ZNF142: variants seen among roughly 807,000 people sequenced by gnomAD.
The protein encoded by ZNF142 is zinc finger protein 142.
A neutral mutation model predicts 132.1 loss-of-function variants in ZNF142; 96 were observed. The observed-to-expected ratio is 0.73, with a 90% CI of 0.62 to 0.86. The LOEUF (loss-of-function observed/expected upper bound fraction) is 0.86. Among genes scored for constraint, ZNF142 ranks in the 40% least tolerant of loss-of-function variants. The pLI is 0.00. For synonymous variants in ZNF142, 842 were observed against 890.1 expected, an observed-to-expected ratio of 0.95 and a Z score of 0.96; for missense variants, 2,163 against 2,336.2, an observed-to-expected ratio of 0.93 and a Z score of 1.53.
Position 218,635,699 on chromosome 2 carries a change from AC to A in ZNF142, c.*2639del. The A allele has an allele frequency of 6.8e-7, 1 of 1,464,478 alleles. No homozygotes were observed. Among genetic ancestry groups the A allele is most frequent in the Non-Finnish European group, 9.1e-7 (1 of 1,100,556 alleles). 90.7% of individuals were successfully genotyped at this position (1,464,478 alleles called of 1,614,324 possible). On this transcript the variant is annotated 3_prime_UTR_variant, in exon 11 of 11. Transcript: ENST00000411696. ...ATATATTACCCATGGAGGATGTTTT[AC>A]AAACCAAAAAGCTTCTTCTCCCCTG... is the stretch of plus-strand genomic sequence containing the variant.
chr2:218,640,084 A>G (rs1262508405), intron 10 of ZNF142, among the ~76,000 whole-genome samples: 1 of 150,602 alleles, frequency 6.6e-6, no homozygotes, highest in Non-Finnish European at 1.5e-5. Context: ...AAAAAAAAAA[A>G]AAAAAGAAAT....
At position 218,642,336 on chromosome 2, in the gene ZNF142, C is replaced by T; in HGVS notation, c.4780G>A (p.Gly1594Ser). 1 of 1,613,640 alleles carries T rather than the reference C, an allele frequency of 6.2e-7. No homozygotes were observed. The highest frequency in any genetic ancestry group is 8.5e-7 in the Non-Finnish European group (1 of 1,180,016). ...LCDFAARERV[G>S]LVKHYLEQHE... ...TGTTCCAGGTAGTGCTTTACCAGGC[C>T]CACCCGCTCCCGGGCAGCAAAGTCA... is the stretch of plus-strand genomic sequence containing the variant. The change falls in exon 9 of 11, where the codon GGC becomes AGC. Residue 1594 changes from glycine to serine, a missense_variant. By Grantham distance (56) the Gly-to-Ser change is moderately conservative. Around this residue, in one of 7 missense-constraint regions of ZNF142, gnomAD observed 17 missense variants for 35.9 expected, o/e 0.47. Transcript: ENST00000411696. This position sits in a 1 kb window ranked among gnomAD's most constrained non-coding sequence, Gnocchi z 4.6.
rs572022586 is a variant in ZNF142 at position 218,634,942 on chromosome 2, T to C, written c.*3397A>G. 2.6e-5 allele frequency among the ~76,000 whole-genome samples: 4 copies of C among 152,084 alleles called. No individual in the cohort carries two copies. Among genetic ancestry groups the C allele is most frequent in the Non-Finnish European group, 5.9e-5 (4 of 68,024 alleles). On this transcript the variant is annotated 3_prime_UTR_variant, in exon 11 of 11. Coordinates refer to ENST00000411696, the MANE Select transcript of ZNF142 (RefSeq NM_001379659.1). The surrounding 1 kb of genome is among the most constrained non-coding windows in gnomAD (Gnocchi z 4.0). Reference sequence around the variant, plus strand: ...CTTACAATTCCTGGCACACAGGAAGTGCTATAAAAGAGGCTGGCTGGGAGC... The same window carrying C: ...CTTACAATTCCTGGCACACAGGAAGCGCTATAAAAGAGGCTGGCTGGGAGC...
At chr2:218,655,424 G>A (rs898845236) in intron 4 of ZNF142, among the ~76,000 whole-genome samples, 1 of 152,112 alleles carries the variant, frequency 6.6e-6, no homozygotes. Flanking sequence ...GATGAATAAA[G>A]GGAGAATCTT....
intron 4 of ZNF142, among the ~76,000 whole-genome samples, chr2:218,653,031 G>C (rs1295421929): frequency 1.3e-5 from 2 of 151,614 alleles, no homozygotes; most frequent in Admixed American, 6.6e-5. Flanking sequence ...CTGTAATCTT[G>C]GCACTTTGGG....
chr2:218,650,210 C>T, intron 6 of ZNF142, 149 bp downstream of exon 6: 1 of 916,924 alleles, frequency 1.1e-6, no homozygotes, highest in South Asian at 1.7e-5. Flanking sequence ...ATCATTTTCC[C>T]ACTAGACCTT....
In ZNF142 at chr2:218,642,931, C is replaced by A. The variant is rs376670636; in HGVS notation, c.4185G>T (p.Glu1395Asp). The A allele has an allele frequency of 6.2e-7, 1 of 1,613,676 alleles. No homozygotes were observed. Among genetic ancestry groups the A allele is most frequent in the Non-Finnish European group, 8.5e-7 (1 of 1,179,928 alleles). ...AGGGGCACTGATGGGGCTTCACCCC[C>A]TCGTGCTTGAGCCGCCGGTGCTGCT... ...CMQQHRRLKH[E>D]GVKPHQCPFC... Residue 1395 changes from glutamate (E) to aspartate (D), a missense_variant, in exon 9 of 11, where the codon GAG becomes GAT. Physicochemically the swap from Glu to Asp is conservative, Grantham distance 45. Transcript: ENST00000411696. This position sits in a 1 kb window ranked among gnomAD's most constrained non-coding sequence, Gnocchi z 4.6.
chr2:218,655,668 T>C (rs1938416094), intron 4 of ZNF142, among the ~76,000 whole-genome samples: 2 of 152,162 alleles, frequency 1.3e-5, no homozygotes, highest in Admixed American at 1.3e-4. Context: ...ACTCTTATTC[T>C]TAACAACATG....
Position 218,644,506 on chromosome 2 carries a change from GC to G in ZNF142, c.2609del (p.Gly870AlafsTer28). On this transcript the variant is annotated frameshift_variant, in exon 9 of 11. Transcript: ENST00000411696. LOFTEE classifies it high-confidence loss of function. The surrounding 1 kb of genome is among the most constrained non-coding windows in gnomAD (Gnocchi z 4.6). ...SEEVNTGRQE[G>X]SEAPHGGDLG... Reference sequence around the variant, plus strand: ...GGTCACCCCCATGGGGAGCCTCACTGCCCTCCTGTCTTCCAGTGTTGACCTC... The same window carrying G: ...GGTCACCCCCATGGGGAGCCTCACTGCCTCCTGTCTTCCAGTGTTGACCTC... 2 of 1,613,974 alleles carry G rather than the reference GC, an allele frequency of 1.2e-6. No individual in the cohort carries two copies. Among genetic ancestry groups the G allele is most frequent in the Non-Finnish European group, 1.7e-6 (2 of 1,179,996 alleles).
Position 218,643,796 on chromosome 2 carries a change from G to C in ZNF142, c.3320C>G (p.Pro1107Arg), listed in dbSNP as rs771228246. The C allele has an allele frequency of 6.2e-7, 1 of 1,611,776 alleles. No individual in the cohort carries two copies. Among genetic ancestry groups the C allele is most frequent in the African/African-American group, 1.3e-5 (1 of 74,982 alleles). The change falls in exon 9 of 11, where the codon CCT (proline) becomes CGT (arginine). Residue 1107 changes from proline to arginine, a missense_variant. Pro to Arg is a moderately radical substitution (Grantham distance 103). Transcript: ENST00000411696. ...GGTACCTGGGAGCACAGGTTGCAGA[G>C]GGATGGGTGAATCTGGTCTGGGCAA... is the stretch of plus-strand genomic sequence containing the variant. ...KGLPRPDSPIPLQPVLPGTQA... is the reference protein window; with the variant it reads ...KGLPRPDSPIRLQPVLPGTQA...
rs1697483832 is a variant in ZNF142, at chr2:218,643,855, C to T, written c.3261G>A (p.Lys1087=). The change falls in exon 9 of 11, where the codon AAG becomes AAA. Residue 1087 remains lysine, a synonymous_variant. Coordinates refer to ENST00000411696, the MANE Select transcript of ZNF142 (RefSeq NM_001379659.1). The part of the protein sequence containing the change: ...QQRGLSTHLL[K]KCPVLLRKNK... ...TCTTTCTGAGTAGAACAGGGCACTT[C>T]TTCAGCAGGTGGGTGCTGAGGCCGC... 1 of 1,614,148 alleles carries T rather than the reference C, an allele frequency of 6.2e-7. No homozygotes were observed. The highest frequency in any genetic ancestry group is 1.3e-5 in the African/African-American group (1 of 75,052).
chr2:218,646,278 C>T lies in ZNF142; in HGVS notation c.1944G>A (p.Met648Ile). ...AATCCTTGGTGTTGGAGTGGGTCAG[C>T]ATGTGCTTGGATAGGTAGCTCACGT... ...CRDVSYLSKH[M>I]LTHSNTKDYM... Residue 648 changes from methionine to isoleucine, a missense_variant, in exon 8 of 11, where the codon ATG becomes ATA. Met to Ile is a conservative substitution (Grantham distance 10). This residue lies in a region of ZNF142 where 749 missense variants were observed against 830.3 expected (regional missense o/e 0.90). Transcript: ENST00000411696. 3 of 1,614,200 alleles carry T rather than the reference C, an allele frequency of 1.9e-6. No homozygotes were observed. The highest frequency in any genetic ancestry group is 2.2e-5 in the South Asian group (2 of 91,084).
rs760405235 is a variant in ZNF142, at chr2:218,649,421, G to C, written c.1087C>G (p.His363Asp). ...VSGTESLFKTHMCPECKRCFK... is the reference protein window; with the variant it reads ...VSGTESLFKTDMCPECKRCFK... ...CAGCGCTTACACTCTGGACACATAT[G>C]GGTCTTGAAGAGGGACTCGGTGCCA... The change falls in exon 7 of 11, where the codon CAT becomes GAT. Residue 363 changes from histidine (H) to aspartate (D), a missense_variant. His to Asp is a moderately conservative substitution (Grantham distance 81). Transcript: ENST00000411696. 13 of 1,610,186 alleles carry C rather than the reference G, an allele frequency of 8.1e-6. No homozygotes were observed. Among genetic ancestry groups the C allele is most frequent in the Non-Finnish European group, 1.1e-5 (13 of 1,177,824 alleles).
intron 8 of ZNF142, among the ~76,000 whole-genome samples, 171 bp downstream of exon 8, chr2:218,646,000 G>A (rs538353170): frequency 1.2e-4 from 19 of 152,264 alleles, no homozygotes; most frequent in South Asian, 8.3e-4. Context: ...CAATTTGCCC[G>A]CCCCGGCCTC....
rs1368487726 is a variant in ZNF142 at position 218,642,755 on chromosome 2, G to A, written c.4361C>T (p.Thr1454Ile). 2 of 1,614,196 alleles carry A rather than the reference G, an allele frequency of 1.2e-6. No individual in the cohort carries two copies. Among genetic ancestry groups the A allele is most frequent in the East Asian group, 2.2e-5 (1 of 44,882 alleles). Residue 1454 changes from threonine to isoleucine, a missense_variant, in exon 9 of 11, where the codon ACA (threonine) becomes ATA (isoleucine). Thr to Ile is a moderately conservative substitution (Grantham distance 89). Around this residue, in one of 7 missense-constraint regions of ZNF142, gnomAD observed 809 missense variants for 801.7 expected, o/e 1.01. Transcript: ENST00000411696. This position sits in a 1 kb window ranked among gnomAD's most constrained non-coding sequence, Gnocchi z 4.6. ...RLHRLRVHDKTPTHFCPLCDY... is the reference protein window; with the variant it reads ...RLHRLRVHDKIPTHFCPLCDY... ...ACAAAGTGGACAGAAGTGGGTAGGT[G>A]TTTTGTCATGTACCCTTAACCGGTG...
Position 218,634,159 on chromosome 2 carries a change from G to A in ZNF142, c.*4180C>T. The A allele has an allele frequency of 6.2e-7, 1 of 1,612,842 alleles. No homozygotes were observed. Among genetic ancestry groups the A allele is most frequent in the Non-Finnish European group, 8.5e-7 (1 of 1,179,446 alleles). ...CAGTTAAGCCGTGTGTATCCCAGCGGCCTGAGGACAGACTCTTCCAACTAC... is the reference window on the plus strand; with the variant it reads ...CAGTTAAGCCGTGTGTATCCCAGCGACCTGAGGACAGACTCTTCCAACTAC... On this transcript the variant is annotated 3_prime_UTR_variant, in exon 11 of 11. Transcript: ENST00000411696. The surrounding 1 kb of genome is among the most constrained non-coding windows in gnomAD (Gnocchi z 4.0).
Position 218,656,280 on chromosome 2 carries a change from T to A in ZNF142, c.150A>T (p.Ala50=). The A allele has an allele frequency of 6.2e-7, 1 of 1,613,214 alleles. No individual in the cohort carries two copies. The highest frequency in any genetic ancestry group is 8.5e-7 in the Non-Finnish European group (1 of 1,179,586). ...GGCAGCCTGGCTCAGTAGGTATAGG[T>A]GCAGGGTCCCGGGAAGGACAGGGGC... ...VQSPCPSRDP[A]PIPTEPGCLL... The change falls in exon 4 of 11, where the codon GCA becomes GCT. Residue 50 remains alanine (A), a synonymous_variant. Coordinates refer to ENST00000411696, the MANE Select transcript of ZNF142 (RefSeq NM_001379659.1).
Position 218,634,750 on chromosome 2 carries a change from T to C in ZNF142, c.*3589A>G. On this transcript the variant is annotated 3_prime_UTR_variant, in exon 11 of 11. Transcript: ENST00000411696. This position sits in a 1 kb window ranked among gnomAD's most constrained non-coding sequence, Gnocchi z 4.0. ...ATAGCCTATTAACAGTGTCTAGTTT[T>C]AGCTTTTGGAGCCAGCTGCCTAGCT... The C allele has an allele frequency of 8.1e-7, 1 of 1,237,854 alleles. No individual in the cohort carries two copies. The highest frequency in any genetic ancestry group is 1.1e-6 in the Non-Finnish European group (1 of 888,702). 76.7% of individuals were successfully genotyped at this position (1,237,854 alleles called of 1,614,324 possible).
At chr2:218,645,338 A>G (rs1443913246) in intron 8 of ZNF142, among the ~76,000 whole-genome samples, 7 of 152,210 alleles carry the variant, frequency 4.6e-5, no homozygotes, top group Non-Finnish European at 1.0e-4. Flanking sequence ...TCTAAGCCCT[A>G]TTCTGTACTG....
Sources: gnomAD v4.1 joint callset for allele counts (sites outside exome capture counted in the v4.1 genomes callset) on GRCh38, gnomAD v4.1.1 for gene constraint, gnomAD v4.1.1 regional missense constraint, Gnocchi (gnomAD v3.1) non-coding constraint, MANE v1.5 for transcripts, NCBI Gene and HGNC (gene_info 2026-07-23, HGNC 2026-07-21) for gene names.